Variants in IL1RAPL1 observed in about 807,000 individuals in gnomAD.
IL1RAPL1 encodes the protein interleukin-1 receptor accessory protein-like 1.
A neutral mutation model predicts 48.4 loss-of-function variants in IL1RAPL1; 3 were observed. The observed-to-expected ratio is 0.06, with a 90% CI of 0.03 to 0.16. IL1RAPL1 has a LOEUF of 0.16. Ranked by LOEUF, IL1RAPL1 falls within the 10% of genes least tolerant of loss-of-function variation. The probability of loss-of-function intolerance (pLI) is 1.00; values close to 1 mark genes in which losing one functional copy is unlikely to be tolerated. For missense variants in IL1RAPL1, 349 were observed against 530.6 expected (o/e 0.66, Z 3.36); for synonymous variants, 185 against 187.7 (o/e 0.99, Z 0.12).
intron 5 of IL1RAPL1, among the ~76,000 whole-genome samples, chrX:29,496,518 C>T (rs1476101820): frequency 1.0e-5 from 1 of 99,480 alleles, no homozygotes; most frequent in East Asian, 3.4e-4. Context: ...TCCCCCTTCA[C>T]CTTCTGCCAT....
At chrX:29,021,215 G>GAAAAAAAAA (rs746008500) in intron 2 of IL1RAPL1, among the ~76,000 whole-genome samples, 3 of 41,957 alleles carry the variant, frequency 7.2e-5, no homozygotes, top group African/African-American at 9.9e-5. Context: ...CCGTCTCAAG[G>GAAAAAAAAA]AAAAAAAAAA....
intron 2 of IL1RAPL1, among the ~76,000 whole-genome samples, chrX:29,084,930 T>TA (rs1927921764): frequency 8.9e-6 from 1 of 112,045 alleles, no homozygotes; most frequent in African/African-American, 3.2e-5. Flanking sequence ...TGACCTCAGG[T>TA]GATCCACCTG....
rs927651551 is a variant in IL1RAPL1 at position 29,614,758 on chromosome X, T to A, written c.704-53672T>A. On this transcript the variant is annotated intron_variant, in intron 5 of 10. Transcript: ENST00000378993. ...TGATGCCTATACAGTAAAAAAGTTA[T>A]TCTAAGGAAGGAAAAAACAAAATAC... 4.5e-5 allele frequency among the ~76,000 whole-genome samples: 5 copies of A among 112,105 alleles called. No individual in the cohort carries two copies. In the East Asian group the frequency reaches 1.4e-3, roughly 31 times the overall value.
intron 5 of IL1RAPL1, among the ~76,000 whole-genome samples, chrX:29,538,753 T>A (rs1275996318): frequency 3.6e-5 from 4 of 110,648 alleles, no homozygotes; most frequent in African/African-American, 1.3e-4. Context: ...TTACCTTAAG[T>A]GTATGATCAC....
chrX:29,773,512 G>C (rs73456433), intron 6 of IL1RAPL1, among the ~76,000 whole-genome samples: 1 of 112,430 alleles, frequency 8.9e-6, no homozygotes. Flanking sequence ...ACATACGAAA[G>C]AGTTTAATTT....
intron 3 of IL1RAPL1, among the ~76,000 whole-genome samples, chrX:29,364,590 A>C (rs28429326): frequency 0.52 from 53,046 of 101,893 alleles, 12,096 homozygotes; most frequent in Middle Eastern, 0.74. Context: ...AAAAGAAAAA[A>C]TATTTGGAAA....
intron 6 of IL1RAPL1, among the ~76,000 whole-genome samples, chrX:29,913,036 GCT>G (rs763053314): frequency 3.6e-5 from 4 of 111,067 alleles, no homozygotes; most frequent in Non-Finnish European, 5.7e-5. Context: ...CAACGTCACA[GCT>G]CTCTGACACA....
intron 8 of IL1RAPL1, among the ~76,000 whole-genome samples, chrX:29,921,898 C>A (rs180781939): frequency 3.6e-5 from 4 of 112,190 alleles, no homozygotes; most frequent in Admixed American, 9.4e-5. Flanking sequence ...TCTTTAGCTT[C>A]TTTTACTCAT....
At chrX:29,552,802 C>CTTTTTTTTTTTTTTTTTT (rs765234944) in intron 5 of IL1RAPL1, among the ~76,000 whole-genome samples, 21 of 23,010 alleles carry the variant, frequency 9.1e-4, no homozygotes, top group Admixed American at 1.2e-3. Flanking sequence ...TTTCACTCTC[C>CTTTTTTTTTTTTTTTTTT]TTTTTTTTTT....
chrX:29,615,405 A>AGGAGG (rs368595804), intron 5 of IL1RAPL1, among the ~76,000 whole-genome samples: 1,506 of 105,038 alleles, frequency 0.014, 36 homozygotes, highest in African/African-American at 0.05. Flanking sequence ...AACAAAGGAG[A>AGGAGG]GGAGGGGAGG....
intron 2 of IL1RAPL1, among the ~76,000 whole-genome samples, chrX:29,183,545 A>G (rs1411325273): frequency 2.7e-5 from 3 of 111,759 alleles, no homozygotes; most frequent in Admixed American, 9.5e-5. Flanking sequence ...CTCCCTCATC[A>G]CATACTCATC....
intron 2 of IL1RAPL1, among the ~76,000 whole-genome samples, chrX:28,819,519 A>T (rs1475858137): frequency 9.0e-6 from 1 of 111,173 alleles, no homozygotes; most frequent in Non-Finnish European, 1.9e-5. Context: ...CACTCTTAAG[A>T]TAAACTAAAG....
chrX:29,919,204 C>T (rs892434302), intron 7 of IL1RAPL1, among the ~76,000 whole-genome samples: 1 of 111,879 alleles, frequency 8.9e-6, no homozygotes, highest in South Asian at 3.7e-4. Flanking sequence ...TGCTGATTTT[C>T]GTATTTAAAA....
chrX:29,383,800 A>G, intron 3 of IL1RAPL1, among the ~76,000 whole-genome samples: 1 of 112,097 alleles, frequency 8.9e-6, no homozygotes, highest in Non-Finnish European at 1.9e-5. Context: ...CAAATCATAT[A>G]GAATAAAAAA....
intron 1 of IL1RAPL1, among the ~76,000 whole-genome samples, chrX:28,771,880 G>A (rs1434992359): frequency 1.0e-5 from 1 of 95,773 alleles, no homozygotes; most frequent in Non-Finnish European, 2.0e-5. Context: ...GCAGTGAGCC[G>A]AGATTGCGCC....
chrX:28,613,857 T>G (rs1186175040), intron 1 of IL1RAPL1, among the ~76,000 whole-genome samples: 1 of 112,356 alleles, frequency 8.9e-6, no homozygotes, highest in Non-Finnish European at 1.9e-5. Context: ...GGAGACAGAT[T>G]AATTTTAACT....
chrX:29,406,114 G>T (rs1934062770), intron 5 of IL1RAPL1, among the ~76,000 whole-genome samples: 1 of 111,718 alleles, frequency 9.0e-6, no homozygotes, highest in Admixed American at 9.5e-5. Context: ...TCCTGGCTGG[G>T]CACAGTGGCT....
intron 2 of IL1RAPL1, among the ~76,000 whole-genome samples, chrX:29,179,407 A>G (rs905252699): frequency 5.4e-5 from 6 of 111,735 alleles, no homozygotes; most frequent in Non-Finnish European, 1.1e-4. Flanking sequence ...ATCCTTCTCA[A>G]CCAGTTCAAG....
intron 3 of IL1RAPL1, among the ~76,000 whole-genome samples, chrX:29,346,000 A>G (rs1226043532): frequency 1.8e-5 from 2 of 111,989 alleles, no homozygotes; most frequent in Non-Finnish European, 3.8e-5. Flanking sequence ...TTGTCACTAA[A>G]ATATATTCCT....
Sources: allele counts gnomAD v4.1 joint callset (sites outside exome capture counted in the v4.1 genomes callset), GRCh38; gene constraint gnomAD v4.1.1; transcripts MANE v1.5; gene names NCBI Gene and HGNC (gene_info 2026-07-23, HGNC 2026-07-21).